SOX5: variants seen among roughly 807,000 people sequenced by gnomAD.
SOX5 encodes the protein SRY-box transcription factor 5, also known as transcription factor SOX-5.
SOX5 carries 9 observed loss-of-function variants against 92.0 expected under a neutral mutation model. That is an observed-to-expected ratio of 0.10 (90% CI 0.06 to 0.17). SOX5 has a LOEUF of 0.17. SOX5 is among the 10% of genes least tolerant of loss of function. The pLI, the probability that SOX5 is intolerant of heterozygous loss-of-function variation, is 1.00. For missense variants in SOX5, 642 were observed against 944.5 expected, an observed-to-expected ratio of 0.68 and a Z score of 4.20; for synonymous variants, 344 against 336.3, an observed-to-expected ratio of 1.02 and a Z score of -0.25.
chr12:24,215,546 G>C (rs1281988744), intron 3 of SOX5, among the ~76,000 whole-genome samples: 1 of 151,896 alleles, frequency 6.6e-6, no homozygotes, highest in African/African-American at 2.4e-5. Flanking sequence ...TTTAACATTA[G>C]AAGTCTAAGG....
At chr12:23,632,482 A>G (rs1013961469) in intron 8 of SOX5, among the ~76,000 whole-genome samples, 3 of 152,106 alleles carry the variant, frequency 2.0e-5, no homozygotes, top group African/African-American at 7.2e-5. Context: ...AGATTTTTCT[A>G]TATGGTTATT....
intron 1 of SOX5, among the ~76,000 whole-genome samples, chr12:24,449,938 GT>G (rs1242372422): frequency 6.6e-6 from 1 of 152,062 alleles, no homozygotes; most frequent in Non-Finnish European, 1.5e-5. Flanking sequence ...ATCTATGAAA[GT>G]ATTATCATCC....
intron 1 of SOX5, among the ~76,000 whole-genome samples, chr12:23,925,941 G>A (rs1275628146): frequency 6.6e-6 from 1 of 151,926 alleles, no homozygotes; most frequent in Non-Finnish European, 1.5e-5. Context: ...ATAAATGTTG[G>A]CAATCAATAA....
chr12:23,939,880 A>G (rs1263372470), intron 1 of SOX5, among the ~76,000 whole-genome samples: 1 of 151,018 alleles, frequency 6.6e-6, no homozygotes, highest in Admixed American at 6.6e-5. Flanking sequence ...GGTAATGCTA[A>G]TAGTTATTTA....
intron 4 of SOX5, among the ~76,000 whole-genome samples, chr12:23,981,451 T>C (rs921419471): frequency 6.6e-6 from 1 of 152,220 alleles, no homozygotes; most frequent in African/African-American, 2.4e-5. Flanking sequence ...TGTTGACATT[T>C]AAACTTTGTT....
At chr12:24,369,718 G>C (rs1483242808) in intron 1 of SOX5, among the ~76,000 whole-genome samples, 1 of 152,232 alleles carries the variant, frequency 6.6e-6, no homozygotes, top group Non-Finnish European at 1.5e-5. Context: ...GCTGAGGTTG[G>C]TTTTGGGAAC....
intron 4 of SOX5, among the ~76,000 whole-genome samples, chr12:24,090,070 AG>A (rs539701416): frequency 6.0e-4 from 91 of 152,328 alleles, no homozygotes; most frequent in African/African-American, 2.1e-3. Flanking sequence ...TAAATATTTT[AG>A]ATGTTTAACA....
chr12:24,171,236 T>TTTTGTTTTG (rs1565581513), intron 4 of SOX5, among the ~76,000 whole-genome samples: 5 of 130,220 alleles, frequency 3.8e-5, no homozygotes, highest in Non-Finnish European at 6.6e-5. Context: ...TTTGTTTTTT[T>TTTTGTTTTG]TTTTGGAGAC....
chr12:23,898,106 G>C (rs1242130968), intron 1 of SOX5, among the ~76,000 whole-genome samples: 2 of 152,084 alleles, frequency 1.3e-5, no homozygotes, highest in Non-Finnish European at 1.5e-5. Context: ...GTTCTGATTC[G>C]ATGTTCTACA....
intron 2 of SOX5, among the ~76,000 whole-genome samples, chr12:24,290,983 G>A (rs1332390549): frequency 1.3e-5 from 2 of 152,188 alleles, no homozygotes; most frequent in African/African-American, 4.8e-5. Flanking sequence ...GTTGCAGTTT[G>A]ATGGCTGATA....
At chr12:24,363,906 T>G (rs1267468348) in intron 2 of SOX5, among the ~76,000 whole-genome samples, 1 of 152,234 alleles carries the variant, frequency 6.6e-6, no homozygotes, top group Non-Finnish European at 1.5e-5. Context: ...AACCTCAAGC[T>G]TTCTTTTATT....
At chr12:24,335,211 C>T (rs993263329) in intron 2 of SOX5, among the ~76,000 whole-genome samples, 1 of 152,146 alleles carries the variant, frequency 6.6e-6, no homozygotes, top group African/African-American at 2.4e-5. Flanking sequence ...TCTCAACAAA[C>T]CTGAATGTTC....
chr12:23,996,855 G>C (rs541449252), intron 4 of SOX5, among the ~76,000 whole-genome samples: 4 of 152,146 alleles, frequency 2.6e-5, no homozygotes, highest in Non-Finnish European at 5.9e-5. Context: ...TACTGAGTAT[G>C]GAATTTTCTT....
chr12:23,654,130 T>C (rs1187650961), intron 7 of SOX5, among the ~76,000 whole-genome samples: 15 of 152,016 alleles, frequency 9.9e-5, no homozygotes. Context: ...CTTTGTTGAG[T>C]TGCAAATGTT....
intron 4 of SOX5, among the ~76,000 whole-genome samples, chr12:23,962,693 G>A (rs1947090532): frequency 1.3e-5 from 2 of 152,104 alleles, no homozygotes. Context: ...GGCAGGCACT[G>A]CTATTTTGAT....
At chr12:23,962,551 G>GA (rs1406151282) in intron 4 of SOX5, among the ~76,000 whole-genome samples, 3 of 152,104 alleles carry the variant, frequency 2.0e-5, no homozygotes, top group Non-Finnish European at 4.4e-5. Flanking sequence ...AAATATTTGA[G>GA]AAAAAATAAT....
chr12:23,612,690 A>C (rs2076110509), intron 8 of SOX5, among the ~76,000 whole-genome samples: 1 of 152,202 alleles, frequency 6.6e-6, no homozygotes, highest in South Asian at 2.1e-4. Context: ...AAAATTGTTG[A>C]ATATGACCTG....
intron 3 of SOX5, among the ~76,000 whole-genome samples, chr12:23,764,612 A>T (rs541849873): frequency 6.6e-6 from 1 of 152,222 alleles, no homozygotes; most frequent in Admixed American, 6.5e-5. Flanking sequence ...ATCCTACTAT[A>T]AAAAGTGAAT....
chr12:24,247,437 TAGAG>T (rs939881784), intron 3 of SOX5, among the ~76,000 whole-genome samples: 6 of 151,812 alleles, frequency 4.0e-5, no homozygotes, highest in African/African-American at 7.3e-5. Context: ...TAGGTTTGGT[TAGAG>T]AGAGAGTTGA....
Sources: allele counts gnomAD v4.1 joint callset (sites outside exome capture counted in the v4.1 genomes callset), GRCh38; gene constraint gnomAD v4.1.1; transcripts MANE v1.5; gene names NCBI Gene and HGNC (gene_info 2026-07-23, HGNC 2026-07-21).